C8orf34: variants seen among roughly 807,000 people sequenced by gnomAD.
C8orf34 encodes chromosome 8 open reading frame 34, also known as uncharacterized protein C8orf34.
Under a neutral mutation model 68.3 loss-of-function variants are expected in C8orf34, and 65 were observed. That is an observed-to-expected ratio of 0.95 (90% CI 0.78 to 1.17). The LOEUF (loss-of-function observed/expected upper bound fraction) is 1.17. C8orf34 is among the 50% of genes most tolerant of loss of function. The pLI is 0.00. For missense variants in C8orf34, 664 were observed against 655.4 expected (o/e 1.01, Z -0.14); for synonymous variants, 244 against 241.2 (o/e 1.01, Z -0.11).
chr8:68,577,664 C>T (rs888094896), intron 7 of C8orf34, among the ~76,000 whole-genome samples: 9 of 151,618 alleles, frequency 5.9e-5, no homozygotes, highest in African/African-American at 2.2e-4. Context: ...AAAATTAAAT[C>T]TAGATACAAT....
chr8:68,540,726 C>T (rs1179676692), intron 7 of C8orf34, among the ~76,000 whole-genome samples: 1 of 152,010 alleles, frequency 6.6e-6, no homozygotes, highest in Non-Finnish European at 1.5e-5. Flanking sequence ...CCTGTAATCC[C>T]AGCTACTCGG....
At chr8:68,539,842 A>C (rs924489154) in intron 7 of C8orf34, among the ~76,000 whole-genome samples, 1 of 152,018 alleles carries the variant, frequency 6.6e-6, no homozygotes, top group African/African-American at 2.4e-5. Flanking sequence ...CAACAGAGTG[A>C]AACTCCGTCT....
At chr8:68,526,623 T>G (rs760103803) in intron 6 of C8orf34, among the ~76,000 whole-genome samples, 6 of 151,442 alleles carry the variant, frequency 4.0e-5, no homozygotes, top group Non-Finnish European at 5.9e-5. Context: ...GTGAAACTTT[T>G]CATGACCTCT....
At chr8:68,761,031 A>G (rs1215809117) in intron 10 of C8orf34, among the ~76,000 whole-genome samples, 1 of 152,214 alleles carries the variant, frequency 6.6e-6, no homozygotes, top group African/African-American at 2.4e-5. Context: ...AGCAGTACAT[A>G]TGCCTGGTCT....
intron 7 of C8orf34, among the ~76,000 whole-genome samples, chr8:68,616,525 T>C (rs1439561751): frequency 6.6e-6 from 1 of 152,240 alleles, no homozygotes; most frequent in Non-Finnish European, 1.5e-5. Context: ...ACATCTTTAT[T>C]TCTGCCTTCA....
At chr8:68,480,476 A>C (rs1280136477) in intron 4 of C8orf34, among the ~76,000 whole-genome samples, 1 of 152,228 alleles carries the variant, frequency 6.6e-6, no homozygotes, top group Non-Finnish European at 1.5e-5. Flanking sequence ...AAAATGTTGA[A>C]GCAACTTTGG....
intron 12 of C8orf34, among the ~76,000 whole-genome samples, chr8:68,808,979 T>G (rs1277657330): frequency 6.6e-6 from 1 of 152,174 alleles, no homozygotes; most frequent in African/African-American, 2.4e-5. Flanking sequence ...CATACACATC[T>G]GCCACTTAAC....
chr8:68,510,772 G>C (rs1468986473), intron 5 of C8orf34, among the ~76,000 whole-genome samples: 1 of 152,140 alleles, frequency 6.6e-6, no homozygotes, highest in Non-Finnish European at 1.5e-5. Flanking sequence ...AGGGAACTCT[G>C]TTCCCCCCAA....
At chr8:68,422,926 C>T (rs567526552) in intron 1 of C8orf34, among the ~76,000 whole-genome samples, 4 of 152,184 alleles carry the variant, frequency 2.6e-5, no homozygotes, top group African/African-American at 7.2e-5. Flanking sequence ...AACAAAGCCC[C>T]GAGCTATACC....
intron 1 of C8orf34, among the ~76,000 whole-genome samples, chr8:68,370,099 G>T (rs1807494053): frequency 6.6e-6 from 1 of 152,048 alleles, no homozygotes; most frequent in South Asian, 2.1e-4. Flanking sequence ...TACCAACTTG[G>T]CTGACCCCTA....
At chr8:68,406,074 G>A (rs745969154) in intron 1 of C8orf34, among the ~76,000 whole-genome samples, 4 of 152,152 alleles carry the variant, frequency 2.6e-5, no homozygotes, top group Admixed American at 6.6e-5. Flanking sequence ...GTCAGGAGGT[G>A]GGTTGTGTGG....
intron 8 of C8orf34, among the ~76,000 whole-genome samples, chr8:68,663,443 A>G (rs1054699047): frequency 1.3e-5 from 2 of 152,192 alleles, no homozygotes; most frequent in Admixed American, 6.5e-5. Flanking sequence ...CCCTCTACAC[A>G]TCTTGGTATC....
chr8:68,380,891 A>G (rs747142559), intron 1 of C8orf34, among the ~76,000 whole-genome samples: 6 of 152,304 alleles, frequency 3.9e-5, no homozygotes, highest in Admixed American at 1.3e-4. Flanking sequence ...ACTCCTTTCT[A>G]TGTGTTCCAT....
At position 68,414,728 on chromosome 8, in the gene C8orf34, A is replaced by G. The variant is rs1809592656; in HGVS notation, c.328-24771A>G. 2.0e-5 allele frequency among the ~76,000 whole-genome samples: 3 copies of G among 152,140 alleles called. No homozygotes were observed. The South Asian group carries it at 6.2e-4, about 31-fold the overall frequency. On this transcript the variant is annotated intron_variant, in intron 1 of 13. Coordinates refer to ENST00000518698, the MANE Select transcript of C8orf34 (RefSeq NM_052958.4). ...TGTTATTCAAACACTTATTATGCCT[A>G]ACTAACTCTGCTTGAGAATATTGAA...
intron 5 of C8orf34, among the ~76,000 whole-genome samples, chr8:68,512,870 T>C (rs1035113860): frequency 6.6e-6 from 1 of 151,968 alleles, no homozygotes; most frequent in Non-Finnish European, 1.5e-5. Context: ...CTCAATTACA[T>C]GTTATAATTG....
At chr8:68,775,636 A>G (rs570363396) in intron 10 of C8orf34, among the ~76,000 whole-genome samples, 1 of 152,340 alleles carries the variant, frequency 6.6e-6, no homozygotes, top group South Asian at 2.1e-4. Context: ...CTATGTAAAA[A>G]ATATTTTTAA....
chr8:68,602,324 G>C (rs1217824942), intron 7 of C8orf34, among the ~76,000 whole-genome samples: 4 of 152,160 alleles, frequency 2.6e-5, no homozygotes, highest in Admixed American at 6.5e-5. Context: ...GCTGTAAAGA[G>C]AATGGGTAAT....
At chr8:68,710,163 T>A (rs1220833755) in intron 9 of C8orf34, among the ~76,000 whole-genome samples, 1 of 151,776 alleles carries the variant, frequency 6.6e-6, no homozygotes, top group African/African-American at 2.4e-5. Context: ...CAGAGCAGCA[T>A]GTAGAAACTC....
intron 5 of C8orf34, among the ~76,000 whole-genome samples, chr8:68,519,851 G>C (rs971722245): frequency 6.6e-6 from 1 of 152,122 alleles, no homozygotes; most frequent in African/African-American, 2.4e-5. Flanking sequence ...CAAGGAATAA[G>C]TAACATTGTA....
Sources: allele counts gnomAD v4.1 joint callset (sites outside exome capture counted in the v4.1 genomes callset), GRCh38; gene constraint gnomAD v4.1.1; transcripts MANE v1.5; gene names NCBI Gene and HGNC (gene_info 2026-07-23, HGNC 2026-07-21).